ZBTB20: variants seen among roughly 807,000 people sequenced by gnomAD.
ZBTB20 encodes the protein zinc finger and BTB domain containing 20.
ZBTB20 carries 9 observed loss-of-function variants against 56.9 expected under a neutral mutation model. The observed-to-expected ratio is 0.16, with a 90% confidence interval of 0.10 to 0.28. The LOEUF (loss-of-function observed/expected upper bound fraction) is 0.28, where lower values mean the gene tolerates loss of function less well. Among genes scored for constraint, ZBTB20 ranks in the 10% least tolerant of loss-of-function variants. The pLI, the probability that ZBTB20 is intolerant of heterozygous loss-of-function variation, is 1.00. For synonymous variants in ZBTB20, 417 were observed against 420.7 expected (o/e 0.99, Z 0.11); for missense variants, 655 against 1,003.0 (o/e 0.65, Z 4.69).
At chr3:114,780,787 G>A (rs1259476142) in intron 5 of ZBTB20, among the ~76,000 whole-genome samples, 2 of 152,028 alleles carry the variant, frequency 1.3e-5, no homozygotes, top group Non-Finnish European at 2.9e-5. Context: ...CGCCTGGCCC[G>A]TAGTATCCAT....
chr3:115,019,518 A>C (rs1254254825), intron 2 of ZBTB20, among the ~76,000 whole-genome samples: 5 of 151,332 alleles, frequency 3.3e-5, no homozygotes, highest in Non-Finnish European at 7.4e-5. Flanking sequence ...ATACATACTG[A>C]AATGGTCTCA....
intron 7 of ZBTB20, among the ~76,000 whole-genome samples, chr3:114,406,210 C>G (rs2108739740): frequency 6.6e-6 from 1 of 152,234 alleles, no homozygotes; most frequent in Non-Finnish European, 1.5e-5. Context: ...AATTATATGA[C>G]CATGGCATTG....
intron 1 of ZBTB20, among the ~76,000 whole-genome samples, chr3:115,117,436 C>G (rs2084051799): frequency 6.6e-6 from 1 of 152,066 alleles, no homozygotes; most frequent in African/African-American, 2.4e-5. Context: ...ATCAGATTAT[C>G]TAAATGTTGG....
At chr3:114,390,331 A>G (rs2085720638) in intron 7 of ZBTB20, among the ~76,000 whole-genome samples, 2 of 151,930 alleles carry the variant, frequency 1.3e-5, no homozygotes, top group African/African-American at 4.8e-5. Flanking sequence ...CACATTTCTG[A>G]TATTCTTGAT....
chr3:115,130,989 G>A (rs753049989), intron 1 of ZBTB20, among the ~76,000 whole-genome samples: 3 of 152,116 alleles, frequency 2.0e-5, no homozygotes, highest in Admixed American at 6.6e-5. Context: ...TTGAACTCCC[G>A]ACCTCAGGTG....
chr3:114,584,158 CAAAT>C (rs894910122), intron 6 of ZBTB20, among the ~76,000 whole-genome samples: 2 of 151,802 alleles, frequency 1.3e-5, no homozygotes, highest in African/African-American at 4.8e-5. Flanking sequence ...ATCAAATAAG[CAAAT>C]AAATAAATAT....
At chr3:114,911,693 C>T (rs1436942424) in intron 3 of ZBTB20, among the ~76,000 whole-genome samples, 1 of 151,642 alleles carries the variant, frequency 6.6e-6, no homozygotes, top group Non-Finnish European at 1.5e-5. Context: ...AACATGATGA[C>T]AGGTAATTTG....
intron 7 of ZBTB20, among the ~76,000 whole-genome samples, chr3:114,452,945 TA>T (rs1263834389): frequency 7.3e-5 from 7 of 96,524 alleles, no homozygotes; most frequent in Non-Finnish European, 2.0e-4. Context: ...ACAATCAACA[TA>T]TAAATGCATT....
At chr3:114,790,985 C>T (rs1469016744) in intron 5 of ZBTB20, among the ~76,000 whole-genome samples, 1 of 151,968 alleles carries the variant, frequency 6.6e-6, no homozygotes, top group Non-Finnish European at 1.5e-5. Flanking sequence ...GATAAAGGAC[C>T]TTACTCTTGA....
At chr3:114,579,847 C>T (rs1254987482) in intron 6 of ZBTB20, among the ~76,000 whole-genome samples, 1 of 151,564 alleles carries the variant, frequency 6.6e-6, no homozygotes, top group Non-Finnish European at 1.5e-5. Flanking sequence ...CCAAAATTGA[C>T]TAGAGAAGAA....
At chr3:114,597,135 G>A (rs1486210401) in intron 6 of ZBTB20, among the ~76,000 whole-genome samples, 1 of 152,162 alleles carries the variant, frequency 6.6e-6, no homozygotes, top group African/African-American at 2.4e-5. Flanking sequence ...AAGTCAAGGT[G>A]TCATGAAATC....
At chr3:115,082,426 C>A (rs1041410297) in intron 1 of ZBTB20, among the ~76,000 whole-genome samples, 1 of 152,114 alleles carries the variant, frequency 6.6e-6, no homozygotes, top group Non-Finnish European at 1.5e-5. Context: ...CATTTATATA[C>A]CTTGCTGCAC....
At chr3:114,524,163 G>A (rs2046959217) in intron 6 of ZBTB20, among the ~76,000 whole-genome samples, 1 of 152,168 alleles carries the variant, frequency 6.6e-6, no homozygotes, top group Admixed American at 6.5e-5. Flanking sequence ...GAAGCTATGG[G>A]TAAAATCAAT....
intron 2 of ZBTB20, among the ~76,000 whole-genome samples, chr3:115,063,652 AACACACACACACACACAC>A (rs67995178): frequency 6.7e-6 from 1 of 149,534 alleles, no homozygotes; most frequent in Non-Finnish European, 1.5e-5. Context: ...TTGTCAAAGC[AACACACACACACACACAC>A]ACACACACAC....
chr3:114,722,028 C>G (rs1433655143), intron 5 of ZBTB20, among the ~76,000 whole-genome samples: 1 of 152,146 alleles, frequency 6.6e-6, no homozygotes, highest in Non-Finnish European at 1.5e-5. Context: ...TAATGTATAT[C>G]TGGAGTATAG....
At chr3:114,606,962 G>T (rs984878590) in intron 6 of ZBTB20, among the ~76,000 whole-genome samples, 2 of 151,914 alleles carry the variant, frequency 1.3e-5, no homozygotes, top group Non-Finnish European at 2.9e-5. Context: ...ACTGGGCGTG[G>T]TGGTGGGCAC....
chr3:114,592,218 A>AT (rs2055840086), intron 6 of ZBTB20, among the ~76,000 whole-genome samples: 2 of 152,098 alleles, frequency 1.3e-5, no homozygotes, highest in Admixed American at 1.3e-4. Context: ...AGAATTTTTT[A>AT]TTTTTTGGTC....
intron 5 of ZBTB20, among the ~76,000 whole-genome samples, chr3:114,770,583 G>A (rs1190061496): frequency 6.6e-6 from 1 of 151,614 alleles, no homozygotes; most frequent in Non-Finnish European, 1.5e-5. Flanking sequence ...TTATGTTCTT[G>A]CCTGGGCAAC....
Position 114,623,427 on chromosome 3 carries a change from G to A in ZBTB20, c.-295+70101C>T, listed in dbSNP as rs533107565. 3.5e-4 allele frequency among the ~76,000 whole-genome samples: 54 copies of A among 152,218 alleles called. 1 individual carries two copies. The highest frequency in any genetic ancestry group is 6.0e-4 in the Non-Finnish European group (41 of 68,006). On this transcript the variant is annotated intron_variant, in intron 6 of 11. Transcript: ENST00000675478. ...AGGACAGTCATTTAGTTTTCCTGTGGCAGGATGATAAATTTCCTGGGAACC... is the reference window on the plus strand; with the variant it reads ...AGGACAGTCATTTAGTTTTCCTGTGACAGGATGATAAATTTCCTGGGAACC...
Sources: gnomAD v4.1 joint callset for allele counts (sites outside exome capture counted in the v4.1 genomes callset) on GRCh38, gnomAD v4.1.1 for gene constraint, MANE v1.5 for transcripts, NCBI Gene and HGNC (gene_info 2026-07-23, HGNC 2026-07-21) for gene names.